CEP78: variants seen among roughly 807,000 people sequenced by gnomAD.
CEP78 encodes the protein centrosomal protein 78.
CEP78 carries 76 observed loss-of-function variants against 81.2 expected under a neutral mutation model. The ratio of observed to expected loss-of-function variants is 0.94; its 90% CI spans 0.78 to 1.13. The LOEUF is 1.13. CEP78 is among the 50% of genes most tolerant of loss of function. CEP78 has a pLI of 0.00. For missense variants in CEP78, 918 were observed against 846.8 expected (o/e 1.08, Z -1.04); for synonymous variants, 293 against 301.4 (o/e 0.97, Z 0.29).
chr9:78,267,178 C>T (rs981519802), intron 16 of CEP78: 16 of 546,178 alleles, frequency 2.9e-5, no homozygotes, highest in Non-Finnish European at 3.7e-5. Context: ...TGATAGTTTA[C>T]AACATTGATT....
rs1173068863 is a variant in CEP78 at position 78,240,313 on chromosome 9, T to G, written c.448T>G (p.Leu150Val). The G allele has an allele frequency of 6.3e-7, 1 of 1,599,180 alleles. No individual in the cohort carries two copies. Among genetic ancestry groups the G allele is most frequent in the African/African-American group, 1.3e-5 (1 of 74,806 alleles). Reference protein sequence around the residue: ...LAKGLNKSASLVHLSLANCPI... With the variant: ...LAKGLNKSASVVHLSLANCPI... ...AAAGGGATTGAATAAATCGGCTTCT[T>G]TGGTGCACCTGTCTCTTGCAAATTG... Residue 150 changes from leucine to valine, a missense_variant, in exon 3 of 17, where the codon TTG (leucine) becomes GTG (valine). Coordinates refer to ENST00000643273, the MANE Select transcript of CEP78 (RefSeq NM_001330691.3).
intron 9 of CEP78, 87 bp from the exon 10 acceptor site, chr9:78,253,145 A>G: frequency 1.4e-6 from 1 of 712,514 alleles, no homozygotes; most frequent in Non-Finnish European, 2.6e-6. Context: ...TGGATAGTAT[A>G]CATAATACTA....
Position 78,262,973 on chromosome 9 carries a change from C to A in CEP78, c.1447C>A (p.Arg483=). The A allele has an allele frequency of 6.5e-7, 1 of 1,539,142 alleles. No homozygotes were observed. Among genetic ancestry groups the A allele is most frequent in the Non-Finnish European group, 8.8e-7 (1 of 1,140,410 alleles). Residue 483 remains arginine, a synonymous_variant, in exon 12 of 17, where the codon CGA becomes AGA. Coordinates refer to ENST00000643273, the MANE Select transcript of CEP78 (RefSeq NM_001330691.3). ...AGTGATAAGGCTTAAGGTTGATAAA[C>A]GAGTCAGTGAGGTAAATAAAAGTTT... is the stretch of plus-strand genomic sequence containing the variant. The part of the protein sequence containing the change: ...ERVIRLKVDK[R]VSELEHENAQ...
Position 78,270,944 on chromosome 9 carries a change from A to AT in CEP78, c.*96dup. The AT allele has an allele frequency of 1.6e-6, 1 of 617,540 alleles. No individual in the cohort carries two copies. The highest frequency in any genetic ancestry group is 2.8e-6 in the Non-Finnish European group (1 of 351,784). 38.3% of individuals were successfully genotyped at this position (617,540 alleles called of 1,614,324 possible). A position where few individuals can be genotyped will look rare whatever the true frequency, so the allele number is the denominator to read the frequency against. On this transcript the variant is annotated 3_prime_UTR_variant, in exon 17 of 17. Coordinates refer to ENST00000643273, the MANE Select transcript of CEP78 (RefSeq NM_001330691.3). ...ATTTCTGGAAGATAAGAAGCAGATG[A>AT]TTTAAGTACCAGTTAATTAAAGGAT...
chr9:78,239,282 C>T (rs1240223577), intron 1 of CEP78, among the ~76,000 whole-genome samples: 2 of 152,096 alleles, frequency 1.3e-5, no homozygotes, highest in Non-Finnish European at 2.9e-5. Context: ...TGCCGTTGAG[C>T]TTGGTTTTTC....
At chr9:78,256,394 A>G (rs919414403) in intron 11 of CEP78, among the ~76,000 whole-genome samples, 3 of 152,166 alleles carry the variant, frequency 2.0e-5, no homozygotes, top group African/African-American at 7.2e-5. Flanking sequence ...AACTGGGGAG[A>G]ACTAGGGTAG....
chr9:78,236,308 C>T lies in CEP78; in HGVS notation c.-43C>T, dbSNP rs1305085877. 2 of 1,517,038 alleles carry T rather than the reference C, an allele frequency of 1.3e-6. No individual in the cohort carries two copies. The highest frequency in any genetic ancestry group is 1.2e-5 in the South Asian group (1 of 83,570). 94.0% of individuals were successfully genotyped at this position (1,517,038 alleles called of 1,614,324 possible). ...CTCAGCGTTCTTGGGTGGGCGCGGG[C>T]GGCGTCTCCGCGGCGGGCATCCCCC... On this transcript the variant is annotated 5_prime_UTR_variant, in exon 1 of 17. Transcript: ENST00000643273.
Position 78,276,205 on chromosome 9 carries a change from A to C in CEP78, c.*5354A>C, listed in dbSNP as rs1225143462. The C allele has an allele frequency of 6.6e-6, 1 of 152,244 alleles. No individual in the cohort carries two copies. Among genetic ancestry groups the C allele is most frequent in the Non-Finnish European group, 1.5e-5 (1 of 68,040 alleles). The allele number at this position is 152,244 out of a possible 1,614,324, so 9.4% of individuals were successfully genotyped here. On this transcript the variant is annotated 3_prime_UTR_variant, in exon 17 of 17. Transcript: ENST00000643273. Reference sequence around the variant, plus strand: ...TTTCAAGGAAGATTTGTACCAAAACATGCAAGATTGAGTGAAGAGTAACTC... The same window carrying C: ...TTTCAAGGAAGATTTGTACCAAAACCTGCAAGATTGAGTGAAGAGTAACTC...
chr9:78,243,801 A>G (rs1249783367), intron 5 of CEP78, among the ~76,000 whole-genome samples, 165 bp downstream of exon 5: 1 of 146,348 alleles, frequency 6.8e-6, no homozygotes, highest in Non-Finnish European at 1.5e-5. Context: ...TATATTCTTT[A>G]TAGAAAATAC....
At chr9:78,257,939 A>T (rs1321393105) in intron 11 of CEP78, among the ~76,000 whole-genome samples, 2 of 152,240 alleles carry the variant, frequency 1.3e-5, no homozygotes, top group Non-Finnish European at 2.9e-5. Context: ...CTGAAACTGT[A>T]TAGAAGGCGG....
intron 9 of CEP78, 59 bp from the exon 10 acceptor site, chr9:78,253,173 G>C: frequency 1.3e-6 from 1 of 762,432 alleles, no homozygotes; most frequent in Non-Finnish European, 2.3e-6. Flanking sequence ...TTATTACCTA[G>C]TGTTAACTGG....
chr9:78,265,687 G>A (rs893834653), intron 14 of CEP78, 144 bp downstream of exon 14: 11 of 826,914 alleles, frequency 1.3e-5, no homozygotes, highest in Admixed American at 2.8e-5. Flanking sequence ...ACTGAGATTA[G>A]TAAGTTTGTG....
chr9:78,242,415 G>A (rs183256900), intron 4 of CEP78, among the ~76,000 whole-genome samples: 1,636 of 152,236 alleles, frequency 0.011, 14 homozygotes, highest in Non-Finnish European at 0.012. Flanking sequence ...AAGCCAGATG[G>A]CCTAGGCTAA....
intron 10 of CEP78, among the ~76,000 whole-genome samples, chr9:78,254,175 A>C (rs1330874589): frequency 6.6e-6 from 1 of 151,952 alleles, no homozygotes; most frequent in Non-Finnish European, 1.5e-5. Context: ...GGAAAAGATG[A>C]GGTTTTTGAT....
At chr9:78,246,877 TC>T in intron 6 of CEP78, 95 bp downstream of exon 6, 1 of 631,508 alleles carries the variant, frequency 1.6e-6, no homozygotes, top group Non-Finnish European at 2.7e-6. Context: ...TGTGTTTCCT[TC>T]CCTAATCTTA....
intron 16 of CEP78, chr9:78,266,990 A>G (rs919296511): frequency 5.8e-6 from 8 of 1,386,058 alleles, no homozygotes; most frequent in South Asian, 3.0e-5. Context: ...TCCATTCTCT[A>G]TCACACCTTT....
In CEP78 at chr9:78,266,655, G is replaced by T. The variant is rs1310952000; in HGVS notation, c.2059G>T (p.Glu687Ter). Residue 687 changes from glutamate (E) to a stop codon, truncating the protein, a stop_gained, in exon 16 of 17, where the codon GAG becomes TAG. Coordinates refer to ENST00000643273, the MANE Select transcript of CEP78 (RefSeq NM_001330691.3). LOFTEE classifies it high-confidence loss of function. ...SGTGSQRKEE[E>*]LSRNSRSSSE... is the part of the protein sequence containing the mutation. ...AACTGGAAGTCAAAGAAAAGAAGAG[G>T]AGTTGTCCAGAAATAGCAGATCTTC... The T allele has an allele frequency of 1.2e-6, 2 of 1,612,124 alleles. No individual in the cohort carries two copies. The highest frequency in any genetic ancestry group is 1.7e-5 in the Admixed American group (1 of 59,666).
At chr9:78,263,186 T>TA (rs1827355971) in intron 12 of CEP78, among the ~76,000 whole-genome samples, 1 of 152,144 alleles carries the variant, frequency 6.6e-6, no homozygotes, top group Non-Finnish European at 1.5e-5. Context: ...TTTAAAAATG[T>TA]AAAAATTGTA....
rs1455155992 is a variant in CEP78 at position 78,273,200 on chromosome 9, G to A, written c.*2349G>A. Reference sequence around the variant, plus strand: ...AACAGGTTAAATTCTGGAATCCTTAGGCTTGAGTAAAAACATGAAATCCCA... The same window carrying A: ...AACAGGTTAAATTCTGGAATCCTTAAGCTTGAGTAAAAACATGAAATCCCA... On this transcript the variant is annotated 3_prime_UTR_variant, in exon 17 of 17. Transcript: ENST00000643273. The A allele has an allele frequency of 2.0e-5, 3 of 152,246 alleles. No individual in the cohort carries two copies. The highest frequency in any genetic ancestry group is 7.2e-5 in the African/African-American group (3 of 41,526). The allele number at this position is 152,246 out of a possible 1,614,324, so 9.4% of individuals were successfully genotyped here.
Sources: allele counts gnomAD v4.1 joint callset (sites outside exome capture counted in the v4.1 genomes callset), GRCh38; gene constraint gnomAD v4.1.1; transcripts MANE v1.5; gene names NCBI Gene and HGNC (gene_info 2026-07-23, HGNC 2026-07-21).